MYO3B: variants seen among roughly 807,000 people sequenced by gnomAD.
MYO3B encodes myosin IIIB.
In MYO3B, 156 loss-of-function variants were observed where a neutral mutation model predicts 174.6. The ratio of observed to expected loss-of-function variants is 0.89; its 90% CI spans 0.78 to 1.02. The LOEUF is 1.02. Among genes scored for constraint, MYO3B ranks in the 50% least tolerant of loss-of-function variants. MYO3B has a pLI of 0.00. For synonymous variants in MYO3B, 563 were observed against 569.1 expected, an observed-to-expected ratio of 0.99 and a Z score of 0.15; for missense variants, 1,632 against 1,639.4, an observed-to-expected ratio of 1.00 and a Z score of 0.08.
chr2:170,519,576 C>T, intron 30 of MYO3B, 36 bp downstream of exon 30: 11 of 1,470,590 alleles, frequency 7.5e-6, no homozygotes, highest in South Asian at 5.7e-5. Flanking sequence ...CTGTTGTAAA[C>T]TCAGGTGCTC....
chr2:170,408,856 A>G (rs2094527766), intron 22 of MYO3B, among the ~76,000 whole-genome samples: 1 of 152,014 alleles, frequency 6.6e-6, no homozygotes, highest in African/African-American at 2.4e-5. Context: ...TCCTGTAAAC[A>G]GAACTAGTAG....
intron 32 of MYO3B, among the ~76,000 whole-genome samples, chr2:170,625,403 C>A (rs147230167): frequency 0.03 from 4,501 of 152,056 alleles, 213 homozygotes; most frequent in African/African-American, 0.097. Context: ...CTGTGGGATC[C>A]GTGGTGATAT....
chr2:170,193,928 T>C (rs2092570070), intron 1 of MYO3B, among the ~76,000 whole-genome samples: 1 of 152,190 alleles, frequency 6.6e-6, no homozygotes, highest in South Asian at 2.1e-4. Context: ...TTTAATTTGA[T>C]TATTTACTTT....
intron 7 of MYO3B, among the ~76,000 whole-genome samples, chr2:170,271,697 G>C (rs1430858576): frequency 1.3e-5 from 2 of 152,130 alleles, no homozygotes; most frequent in African/African-American, 2.4e-5. Context: ...ATGTATCAGT[G>C]CTACTTGTCT....
intron 31 of MYO3B, among the ~76,000 whole-genome samples, chr2:170,543,203 A>T (rs1194752390): frequency 6.6e-6 from 1 of 152,218 alleles, no homozygotes; most frequent in African/African-American, 2.4e-5. Context: ...GCTGCTGAGA[A>T]TAAATGTTAG....
intron 32 of MYO3B, among the ~76,000 whole-genome samples, chr2:170,609,127 A>G (rs1371244839): frequency 1.3e-5 from 2 of 152,200 alleles, no homozygotes; most frequent in East Asian, 3.9e-4. Flanking sequence ...TGTAGGTGGG[A>G]AATCACCCAC....
intron 30 of MYO3B, among the ~76,000 whole-genome samples, chr2:170,528,303 A>T (rs914872444): frequency 6.6e-6 from 1 of 152,222 alleles, no homozygotes. Context: ...GTTGCTAGGA[A>T]CTAGGATGTG....
chr2:170,413,265 C>CAT (rs765967625), intron 22 of MYO3B, among the ~76,000 whole-genome samples: 1 of 152,026 alleles, frequency 6.6e-6, no homozygotes, highest in Non-Finnish European at 1.5e-5. Flanking sequence ...TTAGTAGAGA[C>CAT]TAGAGAAAAT....
chr2:170,479,257 C>G (rs1575046603), intron 25 of MYO3B, among the ~76,000 whole-genome samples: 2 of 149,534 alleles, frequency 1.3e-5, no homozygotes, highest in African/African-American at 4.9e-5. Context: ...GCACTCCAGC[C>G]TGGGCAACAG....
chr2:170,595,773 G>A (rs1229503507), intron 32 of MYO3B, among the ~76,000 whole-genome samples: 1 of 152,034 alleles, frequency 6.6e-6, no homozygotes, highest in East Asian at 1.9e-4. Context: ...GCTATCCAAG[G>A]TCCTCCAGCT....
intron 32 of MYO3B, among the ~76,000 whole-genome samples, chr2:170,615,047 C>CA (rs1695365620): frequency 6.6e-6 from 1 of 152,202 alleles, no homozygotes; most frequent in African/African-American, 2.4e-5. Context: ...CTCTCTGTAG[C>CA]ATTCACTACT....
intron 32 of MYO3B, among the ~76,000 whole-genome samples, chr2:170,621,078 A>G (rs973356528): frequency 9.2e-5 from 14 of 151,984 alleles, no homozygotes; most frequent in Non-Finnish European, 1.6e-4. Context: ...TAGCAGAGAC[A>G]GGGTTTCACC....
At chr2:170,187,243 G>GT (rs568721147) in intron 1 of MYO3B, among the ~76,000 whole-genome samples, 328 of 150,536 alleles carry the variant, frequency 2.2e-3, no homozygotes, top group African/African-American at 6.7e-3. Flanking sequence ...TTTTTGTTTT[G>GT]TTTTTTTCAG....
intron 32 of MYO3B, among the ~76,000 whole-genome samples, chr2:170,547,163 C>CAA (rs55824079): frequency 2.1e-4 from 27 of 128,024 alleles, no homozygotes; most frequent in South Asian, 5.1e-4. Flanking sequence ...ACTAAAAATA[C>CAA]AAAAAAAAAA....
intron 32 of MYO3B, among the ~76,000 whole-genome samples, chr2:170,544,699 G>A (rs1013611482): frequency 6.6e-6 from 1 of 152,192 alleles, no homozygotes; most frequent in Non-Finnish European, 1.5e-5. Flanking sequence ...CGGTGACAAA[G>A]TAGCACAGTA....
intron 25 of MYO3B, among the ~76,000 whole-genome samples, chr2:170,488,820 A>G (rs547318267): frequency 1.5e-4 from 23 of 152,354 alleles, no homozygotes; most frequent in African/African-American, 4.8e-4. Context: ...TCAGGAAGTT[A>G]TTTTAAAGAC....
chr2:170,614,564 CAG>C (rs1318675398), intron 32 of MYO3B, among the ~76,000 whole-genome samples: 4 of 152,178 alleles, frequency 2.6e-5, no homozygotes, highest in Admixed American at 2.6e-4. Context: ...TGCTCTTAAC[CAG>C]AGTTTCTCAA....
At chr2:170,252,581 A>G (rs1326036198) in intron 7 of MYO3B, among the ~76,000 whole-genome samples, 1 of 152,236 alleles carries the variant, frequency 6.6e-6, no homozygotes, top group East Asian at 1.9e-4. Context: ...ATGGCAATAA[A>G]CAAAACAGTC....
intron 25 of MYO3B, among the ~76,000 whole-genome samples, chr2:170,471,746 C>T (rs979807309): frequency 3.3e-5 from 5 of 152,106 alleles, no homozygotes; most frequent in Non-Finnish European, 7.4e-5. Context: ...AATCCCAGCA[C>T]TTTGGGAGGC....
Sources: gnomAD v4.1 joint callset for allele counts (sites outside exome capture counted in the v4.1 genomes callset) on GRCh38, gnomAD v4.1.1 for gene constraint, MANE v1.5 for transcripts, NCBI Gene and HGNC (gene_info 2026-07-23, HGNC 2026-07-21) for gene names.